Variants in GRIN3A observed in about 807,000 individuals in gnomAD.
GRIN3A encodes the protein glutamate receptor ionotropic, NMDA 3A.
A neutral mutation model predicts 92.4 loss-of-function variants in GRIN3A; 47 were observed. The ratio of observed to expected loss-of-function variants is 0.51; its 90% confidence interval spans 0.40 to 0.65. The LOEUF (loss-of-function observed/expected upper bound fraction) is 0.65, where lower values mean the gene tolerates loss of function less well. GRIN3A is among the 30% of genes least tolerant of loss of function. GRIN3A has a pLI of 0.00. For missense variants in GRIN3A, 1,324 were observed against 1,393.1 expected, an observed-to-expected ratio of 0.95 and a Z score of 0.79; for synonymous variants, 527 against 540.6, an observed-to-expected ratio of 0.97 and a Z score of 0.35.
chr9:101,582,792 G>A (rs750173481), intron 6 of GRIN3A, among the ~76,000 whole-genome samples: 1 of 152,190 alleles, frequency 6.6e-6, no homozygotes, highest in African/African-American at 2.4e-5. Flanking sequence ...ACACTGCCAA[G>A]ATGAGGAGGA....
intron 1 of GRIN3A, among the ~76,000 whole-genome samples, chr9:101,730,227 A>C (rs1830122027): frequency 6.6e-6 from 1 of 152,154 alleles, no homozygotes; most frequent in Non-Finnish European, 1.5e-5. Flanking sequence ...TCTAAGTGGG[A>C]CTTCAAAACA....
intron 6 of GRIN3A, among the ~76,000 whole-genome samples, chr9:101,601,365 CATT>C (rs1346486465): frequency 1.3e-5 from 2 of 152,096 alleles, no homozygotes; most frequent in Non-Finnish European, 2.9e-5. Flanking sequence ...ATTAATCTGG[CATT>C]ATGGGTAGAT....
At chr9:101,628,542 G>C in intron 3 of GRIN3A, 141 bp from the exon 4 acceptor site, 5 of 755,562 alleles carry the variant, frequency 6.6e-6, no homozygotes, top group Non-Finnish European at 8.6e-6. Context: ...ACATAGAAAT[G>C]TGCAGACATG....
chr9:101,655,097 G>A (rs1293520598), intron 3 of GRIN3A, among the ~76,000 whole-genome samples: 5 of 151,872 alleles, frequency 3.3e-5, no homozygotes, highest in Non-Finnish European at 5.9e-5. Context: ...TAGAGGACAG[G>A]TTAATTACAG....
chr9:101,626,813 C>T (rs1828639947), intron 4 of GRIN3A, among the ~76,000 whole-genome samples: 1 of 152,220 alleles, frequency 6.6e-6, no homozygotes, highest in African/African-American at 2.4e-5. Context: ...AGACCTGGTC[C>T]TAGTCCTGAC....
chr9:101,707,073 C>G (rs546652271), intron 1 of GRIN3A, among the ~76,000 whole-genome samples: 11 of 152,286 alleles, frequency 7.2e-5, no homozygotes, highest in Non-Finnish European at 1.3e-4. Flanking sequence ...CAAAAGATGC[C>G]AGTATCTCCC....
At chr9:101,578,431 G>T (rs968099334) in intron 7 of GRIN3A, among the ~76,000 whole-genome samples, 7 of 152,172 alleles carry the variant, frequency 4.6e-5, no homozygotes, top group Non-Finnish European at 5.9e-5. Flanking sequence ...GGTAAATGCA[G>T]AAGTGACAGC....
intron 1 of GRIN3A, among the ~76,000 whole-genome samples, chr9:101,731,571 C>T (rs1166665915): frequency 6.6e-6 from 1 of 152,190 alleles, no homozygotes; most frequent in Non-Finnish European, 1.5e-5. Flanking sequence ...TCTCCATTAA[C>T]AAACCAGCCC....
In GRIN3A at chr9:101,694,501, T is replaced by C. The variant is rs190014596; in HGVS notation, c.700-7301A>G. On this transcript the variant is annotated intron_variant, in intron 1 of 8. Transcript: ENST00000361820. ...TTTTTCCCATGATAATTCCACCTAA[T>C]TATTGATACCCAACTCATTCATCTA... Among the ~76,000 whole-genome samples, 309 of 151,986 alleles carry C rather than the reference T, an allele frequency of 2.0e-3. 2 individuals are homozygous for C. Among genetic ancestry groups the C allele is most frequent in the Middle Eastern group, 3.4e-3 (1 of 294 alleles).
At chr9:101,685,627 A>G (rs1223942610) in intron 2 of GRIN3A, among the ~76,000 whole-genome samples, 1 of 151,924 alleles carries the variant, frequency 6.6e-6, no homozygotes. Context: ...GTTGTTCTCT[A>G]TTTTAAATGG....
intron 1 of GRIN3A, among the ~76,000 whole-genome samples, chr9:101,721,279 C>A (rs1029668933): frequency 3.9e-5 from 6 of 152,216 alleles, no homozygotes; most frequent in African/African-American, 1.4e-4. Flanking sequence ...CTCATTTTCT[C>A]TTTCTGCCAC....
At chr9:101,574,191 G>C (rs1300646405) in intron 8 of GRIN3A, among the ~76,000 whole-genome samples, 3 of 152,308 alleles carry the variant, frequency 2.0e-5, no homozygotes, top group Middle Eastern at 6.8e-3. Context: ...TTGCAATCCT[G>C]TTTTAGGCTT....
intron 6 of GRIN3A, among the ~76,000 whole-genome samples, chr9:101,585,163 A>ACGGT (rs1264300048): frequency 6.6e-6 from 1 of 152,146 alleles, no homozygotes; most frequent in East Asian, 1.9e-4. Flanking sequence ...GCCAAATCTA[A>ACGGT]CGGTCAGTTT....
intron 1 of GRIN3A, among the ~76,000 whole-genome samples, chr9:101,715,103 C>T (rs1051791845): frequency 2.7e-5 from 4 of 149,194 alleles, no homozygotes; most frequent in Admixed American, 1.4e-4. Context: ...ATTCTTCAAT[C>T]AACTAGTATT....
chr9:101,616,261 T>C (rs568268930), intron 5 of GRIN3A, among the ~76,000 whole-genome samples: 2 of 152,332 alleles, frequency 1.3e-5, no homozygotes, highest in East Asian at 1.9e-4. Context: ...TGCAGTTGAA[T>C]TGGCAACAGC....
intron 3 of GRIN3A, among the ~76,000 whole-genome samples, chr9:101,643,440 C>T (rs1370243196): frequency 2.0e-5 from 3 of 151,994 alleles, no homozygotes; most frequent in Non-Finnish European, 4.4e-5. Flanking sequence ...AACCCTTGTA[C>T]ACTGACAGTG....
intron 6 of GRIN3A, among the ~76,000 whole-genome samples, chr9:101,591,132 G>A (rs145243855): frequency 3.3e-4 from 51 of 152,258 alleles, no homozygotes; most frequent in Middle Eastern, 6.8e-3. Context: ...ATTGGTTTGC[G>A]TTATCGGTTT....
chr9:101,715,913 C>T lies in GRIN3A; in HGVS notation c.699+21368G>A, dbSNP rs752306860. 7.2e-5 allele frequency among the ~76,000 whole-genome samples: 11 copies of T among 152,272 alleles called. No homozygotes were observed. The East Asian group carries it at 1.7e-3, about 24-fold the overall frequency. ...TTTGCCTTGTAAATACATTTTTAAA[C>T]ATCACCATTACATTGTTTTTATATA... is the stretch of plus-strand genomic sequence containing the variant. On this transcript the variant is annotated intron_variant, in intron 1 of 8. Transcript: ENST00000361820.
At chr9:101,709,810 A>G (rs995357701) in intron 1 of GRIN3A, among the ~76,000 whole-genome samples, 1 of 152,138 alleles carries the variant, frequency 6.6e-6, no homozygotes, top group Non-Finnish European at 1.5e-5. Flanking sequence ...TTATACAAGT[A>G]CCCAAGGCCC....
Sources: allele counts gnomAD v4.1 joint callset (sites outside exome capture counted in the v4.1 genomes callset), GRCh38; gene constraint gnomAD v4.1.1; transcripts MANE v1.5; gene names NCBI Gene and HGNC (gene_info 2026-07-23, HGNC 2026-07-21).